RBPMS: variants seen among roughly 807,000 people sequenced by gnomAD.
The protein encoded by RBPMS is RNA binding protein, mRNA processing factor, also known as RNA-binding protein with multiple splicing.
RBPMS carries 7 observed loss-of-function variants against 26.8 expected under a neutral mutation model. The ratio of observed to expected loss-of-function variants is 0.26; its 90% CI spans 0.15 to 0.49. The LOEUF (loss-of-function observed/expected upper bound fraction) is 0.49. Ranked by LOEUF, RBPMS falls within the 20% of genes least tolerant of loss-of-function variation. RBPMS has a pLI of 0.98. For missense variants in RBPMS, 186 were observed against 250.0 expected (o/e 0.74, Z 1.73); for synonymous variants, 96 against 93.3 (o/e 1.03, Z -0.17).
rs1828283482 is a variant in RBPMS, at chr8:30,572,247, C to T, written c.*1722C>T. ...ATTTTTAAAAAATAAAGTGCTTATTCCAGCTGTCACACCATTGCTTGACAA... is the reference window on the plus strand; with the variant it reads ...ATTTTTAAAAAATAAAGTGCTTATTTCAGCTGTCACACCATTGCTTGACAA... On this transcript the variant is annotated 3_prime_UTR_variant, in exon 9 of 9. Coordinates refer to ENST00000397323, the MANE Select transcript of RBPMS (RefSeq NM_001008710.3). 1 of 152,172 alleles carries T rather than the reference C, an allele frequency of 6.6e-6. No homozygotes were observed. Among genetic ancestry groups the T allele is most frequent in the Admixed American group, 6.5e-5 (1 of 15,276 alleles). 9.4% of individuals were successfully genotyped at this position (152,172 alleles called of 1,614,324 possible). A position where few individuals can be genotyped will look rare whatever the true frequency, so the allele number is the denominator to read the frequency against.
intron 5 of RBPMS, among the ~76,000 whole-genome samples, chr8:30,521,958 G>A (rs1241496675): frequency 6.6e-6 from 1 of 152,140 alleles, no homozygotes; most frequent in African/African-American, 2.4e-5. Flanking sequence ...TCAGTTAGGA[G>A]AAATAAGCTC....
intron 1 of RBPMS, among the ~76,000 whole-genome samples, chr8:30,428,434 C>T (rs1194246155): frequency 3.3e-5 from 5 of 150,674 alleles, no homozygotes; most frequent in African/African-American, 1.2e-4. Flanking sequence ...GCAGCCTGGG[C>T]AATAGATCAA....
chr8:30,389,741 G>T (rs1807560610), intron 1 of RBPMS, among the ~76,000 whole-genome samples: 1 of 152,074 alleles, frequency 6.6e-6, no homozygotes, highest in Non-Finnish European at 1.5e-5. Context: ...GGGGAATATT[G>T]TGCAACCACT....
intron 1 of RBPMS, among the ~76,000 whole-genome samples, chr8:30,423,820 T>TTCTG: frequency 1.9e-5 from 1 of 51,964 alleles, no homozygotes; most frequent in Non-Finnish European, 3.4e-5. Flanking sequence ...TGGATGGGTT[T>TTCTG]TTTGTTTTTT....
intron 5 of RBPMS, among the ~76,000 whole-genome samples, chr8:30,524,207 A>G (rs1008469385): frequency 2.0e-5 from 3 of 152,056 alleles, no homozygotes; most frequent in African/African-American, 7.2e-5. Context: ...TCATTTTGTG[A>G]TGTTTACAGC....
chr8:30,567,958 C>T (rs1400485849), intron 8 of RBPMS, among the ~76,000 whole-genome samples: 1 of 152,180 alleles, frequency 6.6e-6, no homozygotes, highest in Admixed American at 6.5e-5. Context: ...GGTCAGACAA[C>T]AGTGCTTATG....
rs559288368 is a variant in RBPMS, at chr8:30,429,310, C to T, written c.66+44152C>T. On this transcript the variant is annotated intron_variant, in intron 1 of 8. Transcript: ENST00000397323. ...CTATTCCCTCTTTATACAGGAGCCC[C>T]TGTCTGTCTTAAGCACATGGCTTGC... Among the ~76,000 whole-genome samples the T allele has an allele frequency of 2.6e-5, 4 of 152,272 alleles. No homozygotes were observed. In the East Asian group the frequency reaches 7.7e-4, roughly 29 times the overall value.
At chr8:30,547,810 C>T (rs542041322) in intron 6 of RBPMS, among the ~76,000 whole-genome samples, 1 of 152,272 alleles carries the variant, frequency 6.6e-6, no homozygotes, top group East Asian at 1.9e-4. Flanking sequence ...TAGGGGAGCC[C>T]CTGTGAAACG....
At position 30,384,816 on chromosome 8, in the gene RBPMS, G is replaced by T. The variant is rs980757577; in HGVS notation, c.-277G>T. On this transcript the variant is annotated 5_prime_UTR_variant, in exon 1 of 9. Transcript: ENST00000397323. This position sits in a 1 kb window ranked among gnomAD's most constrained non-coding sequence, Gnocchi z 5.6. ...TCCCTCTCCAGGTCGCCCTCCCGGGGCCCGATTGTCTCGGTGCCCCGCTCC... is the reference window on the plus strand; with the variant it reads ...TCCCTCTCCAGGTCGCCCTCCCGGGTCCCGATTGTCTCGGTGCCCCGCTCC... 13 of 305,166 alleles carry T rather than the reference G, an allele frequency of 4.3e-5. No individual in the cohort carries two copies. Among genetic ancestry groups the T allele is most frequent in the Admixed American group, 1.6e-4 (3 of 19,282 alleles). The allele number at this position is 305,166 out of a possible 1,614,324, so 18.9% of individuals were successfully genotyped here. A position where few individuals can be genotyped will look rare whatever the true frequency, so the allele number is the denominator to read the frequency against.
intron 6 of RBPMS, 200 bp from the exon 7 acceptor site, chr8:30,558,687 G>A: frequency 4.7e-6 from 3 of 635,088 alleles, no homozygotes; most frequent in Non-Finnish European, 8.6e-6. Flanking sequence ...GCTTGCCTGT[G>A]TGTTCATAAT....
chr8:30,498,770 G>C (rs1183413948), intron 4 of RBPMS, among the ~76,000 whole-genome samples: 1 of 152,158 alleles, frequency 6.6e-6, no homozygotes, highest in Non-Finnish European at 1.5e-5. Context: ...TATTAGAGGA[G>C]TTACACATAG....
chr8:30,450,517 C>A (rs544373945), intron 1 of RBPMS, among the ~76,000 whole-genome samples: 2 of 152,238 alleles, frequency 1.3e-5, no homozygotes, highest in East Asian at 3.9e-4. Context: ...TCCTGTGATA[C>A]TGACTGGCAG....
chr8:30,551,809 C>A (rs1422645295), intron 6 of RBPMS, among the ~76,000 whole-genome samples: 1 of 152,182 alleles, frequency 6.6e-6, no homozygotes, highest in Non-Finnish European at 1.5e-5. Flanking sequence ...ACCCACTCTG[C>A]TAAATTTGGG....
chr8:30,545,715 A>G (rs964136684), intron 6 of RBPMS: 3 of 151,994 alleles, frequency 2.0e-5, no homozygotes, highest in Admixed American at 1.3e-4. Flanking sequence ...AGGGTTCTTG[A>G]AAGTCATGGG....
intron 4 of RBPMS, among the ~76,000 whole-genome samples, chr8:30,501,805 A>G (rs868781906): frequency 6.6e-6 from 1 of 152,208 alleles, no homozygotes; most frequent in Non-Finnish European, 1.5e-5. Context: ...AATGTGGAGT[A>G]ATTGTAGCCA....
chr8:30,545,002 G>A, intron 6 of RBPMS: 1 of 1,445,274 alleles, frequency 6.9e-7, no homozygotes, highest in South Asian at 1.4e-5. Context: ...GCTAGGAGAA[G>A]GGGATATGTG....
intron 8 of RBPMS, among the ~76,000 whole-genome samples, chr8:30,567,920 GA>G (rs1364954475): frequency 6.6e-6 from 1 of 152,170 alleles, no homozygotes; most frequent in Non-Finnish European, 1.5e-5. Context: ...AGCGAGTTTG[GA>G]GGGGGCTTTT....
chr8:30,391,981 G>C (rs973287098), intron 1 of RBPMS, among the ~76,000 whole-genome samples: 2 of 151,982 alleles, frequency 1.3e-5, no homozygotes, highest in African/African-American at 4.8e-5. Flanking sequence ...TGCTTTGATG[G>C]GGAAGTGGCT....
chr8:30,567,612 T>C (rs544325832), intron 8 of RBPMS, among the ~76,000 whole-genome samples: 7 of 150,704 alleles, frequency 4.6e-5, no homozygotes, highest in Non-Finnish European at 7.4e-5. Flanking sequence ...TTTCCACTTA[T>C]GCAATTTTTG....
Sources: gnomAD v4.1 joint callset for allele counts (sites outside exome capture counted in the v4.1 genomes callset) on GRCh38, gnomAD v4.1.1 for gene constraint, Gnocchi (gnomAD v3.1) non-coding constraint, MANE v1.5 for transcripts, NCBI Gene and HGNC (gene_info 2026-07-23, HGNC 2026-07-21) for gene names.